The following CCDC102B variants were observed in gnomAD, a reference collection of about 807,000 sequenced individuals.
CCDC102B encodes coiled-coil domain-containing protein 102B.
CCDC102B carries 75 observed loss-of-function variants against 57.4 expected under a neutral mutation model. The observed-to-expected ratio is 1.31, with a 90% CI of 1.08 to 1.58. CCDC102B has a LOEUF of 1.58. Ranked by LOEUF, CCDC102B falls within the 40% of genes most tolerant of loss-of-function variation. The probability of loss-of-function intolerance (pLI) is 0.00; values close to 1 mark genes in which losing one functional copy is unlikely to be tolerated. For synonymous variants in CCDC102B, 206 were observed against 201.9 expected (o/e 1.02, Z -0.17); for missense variants, 636 against 582.6 (o/e 1.09, Z -0.94).
intron 3 of CCDC102B, among the ~76,000 whole-genome samples, chr18:68,844,861 G>A (rs528332463): frequency 1.3e-5 from 2 of 151,860 alleles, no homozygotes; most frequent in African/African-American, 2.4e-5. Context: ...AATTGTGACC[G>A]CTGTGGTTAA....
At chr18:68,887,784 A>C (rs1323073484) in intron 5 of CCDC102B, among the ~76,000 whole-genome samples, 2 of 152,238 alleles carry the variant, frequency 1.3e-5, no homozygotes, top group Non-Finnish European at 2.9e-5. Flanking sequence ...ATCAAAATCA[A>C]TACATATTTA....
intron 2 of CCDC102B, among the ~76,000 whole-genome samples, chr18:68,722,226 A>G (rs760428272): frequency 1.3e-5 from 2 of 152,204 alleles, no homozygotes; most frequent in Non-Finnish European, 2.9e-5. Flanking sequence ...TTGTTCAAGG[A>G]GAAATCCATC....
At chr18:69,010,475 G>A (rs933241019) in intron 6 of CCDC102B, among the ~76,000 whole-genome samples, 74 of 145,202 alleles carry the variant, frequency 5.1e-4, no homozygotes, top group African/African-American at 2.0e-3. Flanking sequence ...GGTTCATGTG[G>A]TTTCAGATGT....
intron 7 of CCDC102B, among the ~76,000 whole-genome samples, chr18:69,025,941 G>A (rs1313828107): frequency 2.0e-5 from 3 of 152,090 alleles, no homozygotes. Flanking sequence ...AACCATTTTG[G>A]CAAGCAGTCT....
chr18:68,803,730 A>G (rs1233614892), intron 1 of CCDC102B, among the ~76,000 whole-genome samples: 2 of 152,188 alleles, frequency 1.3e-5, no homozygotes, highest in Admixed American at 6.5e-5. Flanking sequence ...ATTACTTTCA[A>G]TGGGAAAAAT....
At chr18:68,765,378 A>AAAGAAAGAAAGAAAGGAAGG in intron 2 of CCDC102B, among the ~76,000 whole-genome samples, 1 of 132,616 alleles carries the variant, frequency 7.5e-6, no homozygotes, top group African/African-American at 2.9e-5. Flanking sequence ...AGAAAGAAAG[A>AAAGAAAGAAAGAAAGGAAGG]AAAGAAAGAA....
chr18:68,731,551 G>T lies in CCDC102B; in HGVS notation c.-67+14957G>T, dbSNP rs947575217. Among the ~76,000 whole-genome samples the T allele has an allele frequency of 3.3e-5, 5 of 152,010 alleles. No individual in the cohort carries two copies. In the East Asian group the frequency reaches 7.8e-4, roughly 24 times the overall value. ...GACTCTACATTTGCATATTAGGTTG[G>T]TCCCATCTGAGGTTCCATTGCCTCA... On this transcript the variant is annotated intron_variant, in intron 2 of 3. Coordinates refer to the CCDC102B transcript ENST00000578970.
At chr18:68,761,497 T>G (rs1312308553) in intron 2 of CCDC102B, among the ~76,000 whole-genome samples, 3 of 152,052 alleles carry the variant, frequency 2.0e-5, no homozygotes, top group African/African-American at 7.2e-5. Context: ...TTTGTCAAAT[T>G]CTCAATTTTA....
intron 6 of CCDC102B, among the ~76,000 whole-genome samples, chr18:68,978,849 A>G (rs2145284569): frequency 6.6e-6 from 1 of 152,186 alleles, no homozygotes; most frequent in East Asian, 1.9e-4. Context: ...ATAAACAAAA[A>G]TGTCATTAAT....
intron 6 of CCDC102B, among the ~76,000 whole-genome samples, chr18:68,958,349 A>G (rs1341181465): frequency 6.6e-6 from 1 of 152,304 alleles, no homozygotes; most frequent in Non-Finnish European, 1.5e-5. Context: ...TTTGTCTTTC[A>G]TTCTGTTGAT....
At chr18:68,950,299 G>T (rs1031689479) in intron 6 of CCDC102B, among the ~76,000 whole-genome samples, 2 of 152,088 alleles carry the variant, frequency 1.3e-5, no homozygotes, top group African/African-American at 4.8e-5. Context: ...GTATATTTCA[G>T]AGTATCCAGA....
At chr18:68,845,853 C>T (rs2037832711) in intron 3 of CCDC102B, among the ~76,000 whole-genome samples, 2 of 151,648 alleles carry the variant, frequency 1.3e-5, no homozygotes, top group Non-Finnish European at 3.0e-5. Context: ...TTTAGATCCC[C>T]AGTAAATGAC....
chr18:68,819,357 C>A (rs547325857), intron 1 of CCDC102B, among the ~76,000 whole-genome samples: 1 of 151,942 alleles, frequency 6.6e-6, no homozygotes, highest in Non-Finnish European at 1.5e-5. Flanking sequence ...AAAATAATTT[C>A]ACATACTGAA....
At chr18:68,735,051 T>G (rs2033064044) in intron 2 of CCDC102B, among the ~76,000 whole-genome samples, 1 of 152,170 alleles carries the variant, frequency 6.6e-6, no homozygotes, top group African/African-American at 2.4e-5. Flanking sequence ...CAACATTTTA[T>G]TATTTATTTG....
intron 7 of CCDC102B, among the ~76,000 whole-genome samples, chr18:69,022,683 A>T (rs1016388560): frequency 6.6e-6 from 1 of 151,986 alleles, no homozygotes; most frequent in Non-Finnish European, 1.5e-5. Context: ...TTTTATCCTC[A>T]TCCCCCACTC....
chr18:68,988,974 T>G (rs2145317470), intron 6 of CCDC102B, among the ~76,000 whole-genome samples: 1 of 152,352 alleles, frequency 6.6e-6, no homozygotes, highest in African/African-American at 2.4e-5. Context: ...CCTTGCATTT[T>G]GATTCATTTA....
intron 6 of CCDC102B, among the ~76,000 whole-genome samples, chr18:68,907,310 A>T (rs1028965417): frequency 2.6e-5 from 4 of 151,818 alleles, no homozygotes; most frequent in South Asian, 2.1e-4. Context: ...TATGAATTTG[A>T]GAATCAGCTT....
intron 6 of CCDC102B, among the ~76,000 whole-genome samples, chr18:68,934,925 T>C (rs373349092): frequency 9.5e-4 from 145 of 152,028 alleles, no homozygotes; most frequent in African/African-American, 3.4e-3. Context: ...CATAGTATGC[T>C]GAGAAAAGAC....
At chr18:68,892,025 T>C (rs2144998681) in intron 5 of CCDC102B, among the ~76,000 whole-genome samples, 1 of 152,288 alleles carries the variant, frequency 6.6e-6, no homozygotes, top group East Asian at 1.9e-4. Flanking sequence ...AATTTCTTAG[T>C]TGTAATATGC....
Sources: gnomAD v4.1 joint callset for allele counts (sites outside exome capture counted in the v4.1 genomes callset) on GRCh38, gnomAD v4.1.1 for gene constraint, MANE v1.5 for transcripts, NCBI Gene and HGNC (gene_info 2026-07-23, HGNC 2026-07-21) for gene names.